Variants in ZNF627 observed in about 807,000 individuals in gnomAD.
ZNF627 encodes the protein zinc finger protein 627.
In ZNF627, 12 loss-of-function variants were observed where a neutral mutation model predicts 10.6. That is an observed-to-expected ratio of 1.13 (90% CI 0.73 to 1.84). ZNF627 has a LOEUF of 1.84. Ranked by LOEUF, ZNF627 falls within the 40% of genes most tolerant of loss-of-function variation. The pLI, the probability that ZNF627 is intolerant of heterozygous loss-of-function variation, is 0.00. For missense variants in ZNF627, 504 were observed against 568.4 expected, an observed-to-expected ratio of 0.89 and a Z score of 1.15; for synonymous variants, 176 against 187.1, an observed-to-expected ratio of 0.94 and a Z score of 0.48.
intron 1 of ZNF627, among the ~76,000 whole-genome samples, chr19:11,611,471 A>G (rs948875782): frequency 6.6e-6 from 1 of 152,132 alleles, no homozygotes. Flanking sequence ...ACAAGTTTTT[A>G]ATTTTGATGA....
At chr19:11,610,736 G>A (rs909987264) in intron 1 of ZNF627, among the ~76,000 whole-genome samples, 1 of 152,144 alleles carries the variant, frequency 6.6e-6, no homozygotes, top group Non-Finnish European at 1.5e-5. Context: ...TTTTGCCTAA[G>A]TTTCTTCCTT....
At position 11,617,381 on chromosome 19, in the gene ZNF627, C is replaced by A. The variant is rs1252400860; in HGVS notation, c.878C>A (p.Ser293Tyr). Residue 293 changes from serine (S) to tyrosine (Y), a missense_variant, in exon 4 of 4, where the codon TCT (serine) becomes TAT (tyrosine). Physicochemically the swap from Ser to Tyr is moderately radical, Grantham distance 144 (BLOSUM62 -2). Transcript: ENST00000361113. ...QCGKAFRCAS[S>Y]VRSHERTHTG... ...GGTAAAGCCTTTAGGTGCGCCAGTT[C>A]TGTTCGAAGTCACGAGAGGACTCAC... The A allele has an allele frequency of 6.2e-7, 1 of 1,613,718 alleles. No individual in the cohort carries two copies. Among genetic ancestry groups the A allele is most frequent in the Non-Finnish European group, 8.5e-7 (1 of 1,179,980 alleles).
At chr19:11,615,470 G>C (rs1973850460) in intron 3 of ZNF627, among the ~76,000 whole-genome samples, 1 of 148,956 alleles carries the variant, frequency 6.7e-6, no homozygotes, top group Non-Finnish European at 1.5e-5. Flanking sequence ...TGGGTGTGGT[G>C]GTGGGTGCCT....
At chr19:11,598,477 C>T (rs1251646235) in intron 1 of ZNF627, among the ~76,000 whole-genome samples, 1 of 152,044 alleles carries the variant, frequency 6.6e-6, no homozygotes, top group African/African-American at 2.4e-5. Context: ...TTTCTGTTTC[C>T]TTGGGTAGGA....
chr19:11,614,076 C>T (rs1226260670), intron 1 of ZNF627, among the ~76,000 whole-genome samples: 5 of 152,036 alleles, frequency 3.3e-5, no homozygotes, highest in South Asian at 2.1e-4. Flanking sequence ...CACCCACCAC[C>T]GTGCCTGGCT....
At chr19:11,601,222 G>A (rs1254017113) in intron 1 of ZNF627, among the ~76,000 whole-genome samples, 1 of 152,210 alleles carries the variant, frequency 6.6e-6, no homozygotes, top group Non-Finnish European at 1.5e-5. Context: ...CATAGGCAGA[G>A]GTGGTTGAGG....
At chr19:11,603,220 TACAA>T (rs1001430261) in intron 1 of ZNF627, among the ~76,000 whole-genome samples, 1 of 151,620 alleles carries the variant, frequency 6.6e-6, no homozygotes, top group Non-Finnish European at 1.5e-5. Context: ...GGTGGTGGAA[TACAA>T]ACATTCAGTC....
At position 11,617,957 on chromosome 19, in the gene ZNF627, T is replaced by C. The variant is rs1599666796; in HGVS notation, c.*68T>C. On this transcript the variant is annotated 3_prime_UTR_variant, in exon 4 of 4. Transcript: ENST00000361113. ...ATTTGGGAAAGCCTTCAGTCCTTTC[T>C]GTTTCTTTCAACTACGTGAAAGGAT... 7.4e-7 allele frequency: 1 copy of C among 1,353,784 alleles called. No individual in the cohort carries two copies. Among genetic ancestry groups the C allele is most frequent in the Non-Finnish European group, 9.9e-7 (1 of 1,009,120 alleles). The allele number at this position is 1,353,784 out of a possible 1,614,324, so 83.9% of individuals were successfully genotyped here.
At chr19:11,602,277 T>C (rs1343924473) in intron 1 of ZNF627, among the ~76,000 whole-genome samples, 2 of 152,184 alleles carry the variant, frequency 1.3e-5, no homozygotes, top group Non-Finnish European at 2.9e-5. Flanking sequence ...ACAGGTACTT[T>C]GTTCTGACTG....
chr19:11,597,827 G>T (rs1380952708), intron 1 of ZNF627, among the ~76,000 whole-genome samples, 197 bp downstream of exon 1: 1 of 152,198 alleles, frequency 6.6e-6, no homozygotes, highest in East Asian at 1.9e-4. Flanking sequence ...GACGCCTGCG[G>T]CCCCGCAGCC....
At position 11,597,519 on chromosome 19, in the gene ZNF627, C is replaced by T. The variant is rs1973507986; in HGVS notation, c.-109C>T. The T allele has an allele frequency of 1.7e-6, 2 of 1,193,464 alleles. No individual in the cohort carries two copies. Among genetic ancestry groups the T allele is most frequent in the Non-Finnish European group, 2.1e-6 (2 of 931,452 alleles). The allele number at this position is 1,193,464 out of a possible 1,614,324, so 73.9% of individuals were successfully genotyped here. On this transcript the variant is annotated 5_prime_UTR_variant, in exon 1 of 4. Coordinates refer to ENST00000361113, the MANE Select transcript of ZNF627 (RefSeq NM_145295.4). ...CCGTCCCCACCCGGGCTCGCGTCTC[C>T]GTTTCTCCGAGAGGCCCAAGGTGTC...
intron 1 of ZNF627, 30 bp from the exon 2 acceptor site, chr19:11,614,497 T>G (rs767602472): frequency 2.5e-6 from 4 of 1,613,500 alleles, no homozygotes; most frequent in Non-Finnish European, 3.4e-6. Context: ...TGTCTCAACC[T>G]TCCTCCTCCA....
At chr19:11,609,444 A>C (rs1973727110) in intron 1 of ZNF627, among the ~76,000 whole-genome samples, 2 of 102,906 alleles carry the variant, frequency 1.9e-5, no homozygotes, top group Admixed American at 1.1e-4. Flanking sequence ...CCAGATCCGT[A>C]CTTCCTGGGT....
chr19:11,617,987 A>C lies in ZNF627; in HGVS notation c.*98A>C. Reference sequence around the variant, plus strand: ...CTTTCAACTACGTGAAAGGATTCACAGTGGAGAAAGACCCTGTAAGATAAT... The same window carrying C: ...CTTTCAACTACGTGAAAGGATTCACCGTGGAGAAAGACCCTGTAAGATAAT... On this transcript the variant is annotated 3_prime_UTR_variant, in exon 4 of 4. Coordinates refer to ENST00000361113, the MANE Select transcript of ZNF627 (RefSeq NM_145295.4). 2 of 1,044,508 alleles carry C rather than the reference A, an allele frequency of 1.9e-6. No individual in the cohort carries two copies. Among genetic ancestry groups the C allele is most frequent in the East Asian group, 5.1e-5 (2 of 39,014 alleles). 64.7% of individuals were successfully genotyped at this position (1,044,508 alleles called of 1,614,324 possible).
intron 1 of ZNF627, among the ~76,000 whole-genome samples, chr19:11,604,885 G>GT (rs1392984771): frequency 1.1e-4 from 17 of 152,172 alleles, no homozygotes; most frequent in African/African-American, 4.1e-4. Context: ...GGTCTCATAG[G>GT]TGGGAGAAAA....
intron 1 of ZNF627, among the ~76,000 whole-genome samples, chr19:11,611,844 T>G (rs1973776011): frequency 6.6e-6 from 1 of 152,144 alleles, no homozygotes. Context: ...TCCTATTGGT[T>G]GCTGTGAGTC....
chr19:11,612,579 C>T (rs944967623), intron 1 of ZNF627, among the ~76,000 whole-genome samples: 20 of 151,628 alleles, frequency 1.3e-4, no homozygotes, highest in South Asian at 8.3e-4. Flanking sequence ...CCACCACGCC[C>T]GGCTAATTTT....
chr19:11,614,226 T>C (rs1418104003), intron 1 of ZNF627, among the ~76,000 whole-genome samples: 4 of 152,192 alleles, frequency 2.6e-5, no homozygotes, highest in Admixed American at 1.3e-4. Flanking sequence ...AGCCACTACA[T>C]GTTTGTTACA....
intron 3 of ZNF627, among the ~76,000 whole-genome samples, chr19:11,615,268 C>T (rs564869939): frequency 6.6e-6 from 1 of 150,758 alleles, no homozygotes; most frequent in South Asian, 2.1e-4. Flanking sequence ...AGCAAGCAAA[C>T]AACATATAAG....
Sources: gnomAD v4.1 joint callset for allele counts (sites outside exome capture counted in the v4.1 genomes callset) on GRCh38, gnomAD v4.1.1 for gene constraint, MANE v1.5 for transcripts, NCBI Gene and HGNC (gene_info 2026-07-23, HGNC 2026-07-21) for gene names.